The following FRMPD4 variants were observed in gnomAD, a reference collection of about 807,000 sequenced individuals.
The protein encoded by FRMPD4 is FERM and PDZ domain-containing protein 4.
Under a neutral mutation model 94.1 loss-of-function variants are expected in FRMPD4, and 22 were observed. That is an observed-to-expected ratio of 0.23 (90% CI 0.17 to 0.33). The LOEUF is 0.33. FRMPD4 is among the 10% of genes least tolerant of loss of function. The pLI, the probability that FRMPD4 is intolerant of heterozygous loss-of-function variation, is 1.00. For missense variants in FRMPD4, 1,111 were observed against 1,339.9 expected, an observed-to-expected ratio of 0.83 and a Z score of 2.67; for synonymous variants, 631 against 548.6, an observed-to-expected ratio of 1.15 and a Z score of -2.10.
chrX:12,182,592 G>A lies in FRMPD4; in HGVS notation c.41+43580G>A, dbSNP rs766351038. 3.9e-5 allele frequency among the ~76,000 whole-genome samples: 4 copies of A among 103,330 alleles called. No homozygotes were observed. In the East Asian group the frequency reaches 9.6e-4, roughly 25 times the overall value. The allele number at this position is 103,330 out of a possible 115,157, so 89.7% of individuals were successfully genotyped here. On this transcript the variant is annotated intron_variant, in intron 1 of 16. Coordinates refer to ENST00000675598, the MANE Select transcript of FRMPD4 (RefSeq NM_001368397.1). Reference sequence around the variant, plus strand: ...TAAATAAATAAATATATATATATATGTCATCACTTTCTGTCTTAGTTGGCC... The same window carrying A: ...TAAATAAATAAATATATATATATATATCATCACTTTCTGTCTTAGTTGGCC...
At chrX:12,068,109 A>C (rs759076456) in intron 3 of FRMPD4, among the ~76,000 whole-genome samples, 7 of 111,193 alleles carry the variant, frequency 6.3e-5, no homozygotes, top group African/African-American at 2.0e-4. Context: ...TGAAGATGCT[A>C]TGCTGCTGGC....
At chrX:12,626,858 A>G (rs1279605211) in intron 4 of FRMPD4, among the ~76,000 whole-genome samples, 2 of 109,513 alleles carry the variant, frequency 1.8e-5, no homozygotes, top group South Asian at 8.3e-4. Flanking sequence ...CATCAGAATT[A>G]TAATGGAAAG....
chrX:12,672,545 A>G (rs2059854547), intron 4 of FRMPD4, among the ~76,000 whole-genome samples: 1 of 111,531 alleles, frequency 9.0e-6, no homozygotes, highest in Non-Finnish European at 1.9e-5. Flanking sequence ...TTCAGTTTGT[A>G]ATGAAGATAT....
At chrX:12,323,361 C>T (rs1344272228) in intron 1 of FRMPD4, among the ~76,000 whole-genome samples, 1 of 112,014 alleles carries the variant, frequency 8.9e-6, no homozygotes, top group African/African-American at 3.2e-5. Context: ...GGCTTTTGGG[C>T]TCTTCATAGC....
intron 1 of FRMPD4, among the ~76,000 whole-genome samples, chrX:12,321,815 T>G: frequency 8.9e-6 from 1 of 112,000 alleles, no homozygotes; most frequent in South Asian, 3.7e-4. Context: ...CAGACAGACC[T>G]TAGGAAGCAG....
intron 4 of FRMPD4, among the ~76,000 whole-genome samples, chrX:12,656,852 G>T (rs2059661435): frequency 9.0e-6 from 1 of 111,257 alleles, no homozygotes; most frequent in African/African-American, 3.3e-5. Context: ...ACTTTGGGAG[G>T]CCGAGGCAGG....
At position 12,718,549 on chromosome X, in the gene FRMPD4, C is replaced by G; in HGVS notation, c.3723C>G (p.Pro1241=). Residue 1241 remains proline, a synonymous_variant, in exon 16 of 17, where the codon CCC becomes CCG. Coordinates refer to ENST00000675598, the MANE Select transcript of FRMPD4 (RefSeq NM_001368397.1). ...CACCCGTGGAGTCGCCGCTCTGCCC[C>G]TCCCTGGGGAAGCACTTGATTCCTG... ...CATPVESPLC[P]SLGKHLIPDA... is the part of the protein sequence containing the mutation. 1 of 1,204,848 alleles carries G rather than the reference C, an allele frequency of 8.3e-7. No individual in the cohort carries two copies. Among genetic ancestry groups the G allele is most frequent in the Non-Finnish European group, 1.1e-6 (1 of 888,920 alleles).
At chrX:12,422,262 T>C (rs1569270221) in intron 1 of FRMPD4, among the ~76,000 whole-genome samples, 1 of 112,196 alleles carries the variant, frequency 8.9e-6, no homozygotes, top group Non-Finnish European at 1.9e-5. Flanking sequence ...GTTCAACAAA[T>C]GCTTATTAGC....
intron 1 of FRMPD4, among the ~76,000 whole-genome samples, chrX:12,435,373 TGTATATTCAGTATATGCTGTATATACA>T (rs1286149347): frequency 7.1e-5 from 8 of 112,071 alleles, no homozygotes; most frequent in African/African-American, 9.7e-5. Flanking sequence ...CAATATATAC[TGTATATTCAGTATATGCTGTATATACA>T]GTATATTCAG....
intron 1 of FRMPD4, among the ~76,000 whole-genome samples, chrX:12,447,607 T>C (rs1011275636): frequency 8.9e-6 from 1 of 112,015 alleles, no homozygotes; most frequent in Non-Finnish European, 1.9e-5. Context: ...AACACGTCAG[T>C]GGTTTATGGT....
At chrX:11,994,399 A>C (rs2054485224) in intron 3 of FRMPD4, among the ~76,000 whole-genome samples, 1 of 111,649 alleles carries the variant, frequency 9.0e-6, no homozygotes, top group Non-Finnish European at 1.9e-5. Flanking sequence ...CAGACCTCTC[A>C]TTCTCTTCTT....
chrX:12,441,433 ATTTG>A (rs1156981285), intron 1 of FRMPD4, among the ~76,000 whole-genome samples: 2 of 111,829 alleles, frequency 1.8e-5, no homozygotes, highest in African/African-American at 3.2e-5. Flanking sequence ...TAATTTATTC[ATTTG>A]TTTGTTTTTT....
intron 4 of FRMPD4, among the ~76,000 whole-genome samples, chrX:12,619,403 C>T (rs1255926499): frequency 9.0e-6 from 1 of 111,725 alleles, no homozygotes; most frequent in East Asian, 2.8e-4. Context: ...CTGGTATCCC[C>T]CATAGCAACT....
At chrX:12,719,774 C>A (rs770702245) in intron 16 of FRMPD4, among the ~76,000 whole-genome samples, 9 of 110,989 alleles carry the variant, frequency 8.1e-5, no homozygotes, top group African/African-American at 2.6e-4. Flanking sequence ...AGAACTTTCA[C>A]CTGAGTTACC....
intron 4 of FRMPD4, among the ~76,000 whole-genome samples, chrX:12,661,395 A>G (rs1470092582): frequency 3.6e-5 from 4 of 112,185 alleles, no homozygotes; most frequent in African/African-American, 1.3e-4. Flanking sequence ...CGTCTCACTC[A>G]AGGGTGAAAA....
At chrX:12,331,805 A>T (rs1318572543) in intron 1 of FRMPD4, among the ~76,000 whole-genome samples, 8 of 35,961 alleles carry the variant, frequency 2.2e-4, no homozygotes, top group African/African-American at 1.1e-3. Flanking sequence ...TATAAATTAT[A>T]TATATTTATA....
At chrX:11,985,992 G>A (rs758491331) in intron 3 of FRMPD4, among the ~76,000 whole-genome samples, 1 of 112,780 alleles carries the variant, frequency 8.9e-6, no homozygotes, top group Non-Finnish European at 1.9e-5. Context: ...GGAGGGACAC[G>A]AACCTGGCTT....
intron 9 of FRMPD4, among the ~76,000 whole-genome samples, chrX:12,696,586 C>CAAAAAA (rs57877846): frequency 2.7e-4 from 8 of 30,059 alleles, no homozygotes; most frequent in Admixed American, 4.3e-4. Flanking sequence ...AAAAATGAAG[C>CAAAAAA]AAAAAAAAAA....
intron 1 of FRMPD4, among the ~76,000 whole-genome samples, chrX:12,189,842 C>T (rs7883342): frequency 0.51 from 56,080 of 109,801 alleles, 11,182 homozygotes; most frequent in East Asian, 0.84. Context: ...TGTCCTCTCA[C>T]CACTGCTTTT....
Sources: gnomAD v4.1 joint callset for allele counts (sites outside exome capture counted in the v4.1 genomes callset) on GRCh38, gnomAD v4.1.1 for gene constraint, MANE v1.5 for transcripts, NCBI Gene and HGNC (gene_info 2026-07-23, HGNC 2026-07-21) for gene names.